The following PDE6B variants were observed in gnomAD, a reference collection of about 807,000 sequenced individuals.
PDE6B encodes rod cGMP-specific 3',5'-cyclic phosphodiesterase subunit beta.
PDE6B carries 106 observed loss-of-function variants against 109.0 expected under a neutral mutation model. The observed-to-expected ratio is 0.97, with a 90% confidence interval of 0.83 to 1.14. The LOEUF (loss-of-function observed/expected upper bound fraction) is 1.14, where lower values mean the gene tolerates loss of function less well. Among genes scored for constraint, PDE6B ranks in the 50% most tolerant of loss-of-function variants. The pLI is 0.00. For missense variants in PDE6B, 1,193 were observed against 1,155.6 expected (o/e 1.03, Z -0.47); for synonymous variants, 490 against 471.3 (o/e 1.04, Z -0.51).
In PDE6B at chr4:626,017, G is replaced by A. The variant is rs145863444; in HGVS notation, c.391G>A (p.Val131Ile). The A allele has an allele frequency of 2.6e-5, 41 of 1,593,038 alleles. No individual in the cohort carries two copies. Among genetic ancestry groups the A allele is most frequent in the Middle Eastern group, 1.7e-4 (1 of 6,054 alleles). The change falls in exon 1 of 22, where the codon GTC (valine) becomes ATC (isoleucine). Residue 131 changes from valine to isoleucine, a missense_variant. By Grantham distance (29) the Val-to-Ile change is conservative. Coordinates refer to ENST00000496514, the MANE Select transcript of PDE6B (RefSeq NM_000283.4). The surrounding 1 kb of genome is among the most constrained non-coding windows in gnomAD (Gnocchi z 4.6). Reference protein sequence around the residue: ...DCLVPPDSEIVFPLDIGVVGH... With the variant: ...DCLVPPDSEIIFPLDIGVVGH... ...CCTGGTGCCCCCCGACTCCGAGATC[G>A]TCTTCCCACTGGACATCGGGGTCGT...
rs543913869 is a variant in PDE6B at position 662,341 on chromosome 4, A to G, written c.1722+100A>G. Reference sequence around the variant, plus strand: ...GATGAGATGGGGGTCCTCCCAGGGCAGAAGGATGGAGGAGGGCAACGCCCT... The same window carrying G: ...GATGAGATGGGGGTCCTCCCAGGGCGGAAGGATGGAGGAGGGCAACGCCCT... On this transcript the variant is annotated intron_variant, in intron 13 of 21. Coordinates refer to ENST00000496514, the MANE Select transcript of PDE6B (RefSeq NM_000283.4). The surrounding 1 kb of genome is among the most constrained non-coding windows in gnomAD (Gnocchi z 4.3). The G allele has an allele frequency of 3.1e-5, 26 of 833,442 alleles. 1 individual carries two copies. The South Asian group carries it at 3.1e-4, about 10-fold the overall frequency. 51.6% of individuals were successfully genotyped at this position (833,442 alleles called of 1,614,324 possible). A position where few individuals can be genotyped will look rare whatever the true frequency, so the allele number is the denominator to read the frequency against.
intron 9 of PDE6B, 41 bp from the exon 10 acceptor site, chr4:657,310 C>T: frequency 5.6e-6 from 9 of 1,610,994 alleles, no homozygotes; most frequent in Non-Finnish European, 7.6e-6. Flanking sequence ...AGGGGGCGCG[C>T]CGGGAGCGCT....
In PDE6B at chr4:654,865, C is replaced by G. The variant is rs1222178924; in HGVS notation, c.969C>G (p.Gly323=). 6.4e-7 allele frequency: 1 copy of G among 1,563,926 alleles called. No individual in the cohort carries two copies. Among genetic ancestry groups the G allele is most frequent in the Non-Finnish European group, 8.8e-7 (1 of 1,134,392 alleles). Residue 323 remains glycine (G), a synonymous_variant, in exon 6 of 22, where the codon GGC becomes GGG. Transcript: ENST00000496514. ...FYKVIDYVLH[G]KEEIKVIPTP... is the part of the protein sequence containing the mutation. ...AAGTGATCGACTACGTCCTCCACGG[C>G]AAGGAGGAGATCAAGGTCATTCCGT...
intron 17 of PDE6B, among the ~76,000 whole-genome samples, chr4:664,482 CT>C (rs1311763375): frequency 1.3e-5 from 2 of 152,166 alleles, no homozygotes; most frequent in African/African-American, 4.8e-5. Context: ...TGACCTTCCA[CT>C]TTTTCACCTG....
At position 625,978 on chromosome 4, in the gene PDE6B, G is replaced by A. The variant is rs201253138; in HGVS notation, c.352G>A (p.Val118Ile). 4.6e-5 allele frequency: 73 copies of A among 1,583,948 alleles called. No homozygotes were observed. The East Asian group carries it at 4.9e-4, about 11-fold the overall frequency. Residue 118 changes from valine to isoleucine, a missense_variant, in exon 1 of 22, where the codon GTC becomes ATC. Val to Ile is a conservative substitution (Grantham distance 29). Coordinates refer to ENST00000496514, the MANE Select transcript of PDE6B (RefSeq NM_000283.4). The surrounding 1 kb of genome is among the most constrained non-coding windows in gnomAD (Gnocchi z 5.0). Reference protein sequence around the residue: ...TRLFSVQPDSVLEDCLVPPDS... With the variant: ...TRLFSVQPDSILEDCLVPPDS... Reference sequence around the variant, plus strand: ...GCTTTTCAGCGTGCAGCCGGACAGCGTCCTGGAGGACTGCCTGGTGCCCCC... The same window carrying A: ...GCTTTTCAGCGTGCAGCCGGACAGCATCCTGGAGGACTGCCTGGTGCCCCC...
At chr4:654,500 G>A in intron 5 of PDE6B, 1 of 587,600 alleles carries the variant, frequency 1.7e-6, no homozygotes, top group Non-Finnish European at 3.1e-6. Context: ...GGCCCAGCTT[G>A]TGTGTGGGAT....
At position 660,564 on chromosome 4, in the gene PDE6B, A is replaced by G. The variant is rs1736944803; in HGVS notation, c.1565A>G (p.Gln522Arg). ...CTGGACCTGGTCAAATGTGGCATCC[A>G]GATGTACTACGAGCTGGGCGTGGTC... ...TELDLVKCGI[Q>R]MYYELGVVRK... The change falls in exon 12 of 22, where the codon CAG becomes CGG. Residue 522 changes from glutamine to arginine, a missense_variant. Coordinates refer to ENST00000496514, the MANE Select transcript of PDE6B (RefSeq NM_000283.4). The G allele has an allele frequency of 2.5e-6, 4 of 1,613,856 alleles. No homozygotes were observed. Among genetic ancestry groups the G allele is most frequent in the South Asian group, 1.1e-5 (1 of 91,080 alleles).
chr4:645,591 G>A (rs1010258420), intron 3 of PDE6B, among the ~76,000 whole-genome samples: 1 of 151,890 alleles, frequency 6.6e-6, no homozygotes, highest in Non-Finnish European at 1.5e-5. Context: ...CACCGCGCCC[G>A]GCCAGGCTAG....
At chr4:664,339 G>C in intron 17 of PDE6B, 118 bp downstream of exon 17, 1 of 725,576 alleles carries the variant, frequency 1.4e-6, no homozygotes, top group South Asian at 1.4e-5. Context: ...AGCCCGTCGC[G>C]GCAGCTTGTC....
intron 1 of PDE6B, among the ~76,000 whole-genome samples, chr4:634,403 C>T (rs1270783502): frequency 6.6e-6 from 1 of 152,282 alleles, no homozygotes; most frequent in Non-Finnish European, 1.5e-5. Flanking sequence ...CCAGGCAGGG[C>T]GGGGCCCCCC....
intron 5 of PDE6B, chr4:654,397 T>A (rs1487306967): frequency 1.5e-6 from 1 of 647,942 alleles, no homozygotes; most frequent in African/African-American, 1.8e-5. Flanking sequence ...CCACGTCGGC[T>A]CTGATTGTGG....
At chr4:642,921 C>A (rs553924119) in intron 3 of PDE6B, among the ~76,000 whole-genome samples, 3 of 152,010 alleles carry the variant, frequency 2.0e-5, no homozygotes, top group Non-Finnish European at 2.9e-5. Flanking sequence ...TGTGAACGAG[C>A]TTTGCATACC....
intron 11 of PDE6B, among the ~76,000 whole-genome samples, chr4:659,266 C>T (rs1736739227): frequency 6.6e-6 from 1 of 152,198 alleles, no homozygotes; most frequent in Non-Finnish European, 1.5e-5. Context: ...GATGTCTGCA[C>T]TCCTGAGTGT....
intron 12 of PDE6B, 190 bp from the exon 13 acceptor site, chr4:661,944 C>T (rs1737149309): frequency 3.2e-6 from 2 of 626,514 alleles, no homozygotes; most frequent in Admixed American, 2.3e-5. Flanking sequence ...GCCAATGTGG[C>T]AGCCCCTACC....
At position 663,967 on chromosome 4, in the gene PDE6B, C is replaced by T; in HGVS notation, c.2021+97C>T. ...CGCAGCGGCGGCACAGCCCGGGGGA[C>T]GCAGCCCCGGATTCCGTCCCTGCCC... On this transcript the variant is annotated intron_variant, in intron 16 of 21. Transcript: ENST00000496514. The surrounding 1 kb of genome is among the most constrained non-coding windows in gnomAD (Gnocchi z 4.0). The T allele has an allele frequency of 1.8e-6, 2 of 1,103,060 alleles. No homozygotes were observed. The highest frequency in any genetic ancestry group is 2.6e-5 in the East Asian group (1 of 38,988). The allele number at this position is 1,103,060 out of a possible 1,614,324, so 68.3% of individuals were successfully genotyped here.
chr4:634,663 C>A lies in PDE6B; in HGVS notation c.469-14C>A. 5 of 1,610,172 alleles carry A rather than the reference C, an allele frequency of 3.1e-6. No homozygotes were observed. Among genetic ancestry groups the A allele is most frequent in the Non-Finnish European group, 4.3e-6 (5 of 1,176,400 alleles). On this transcript the variant is annotated splice_polypyrimidine_tract_variant and intron_variant, in intron 1 of 21. Transcript: ENST00000496514. ...TGCGACAGCCTCTTTAGCCTCTTTC[C>A]TCTCTTGCGGCAGTGCCCTCACTTC...
Position 636,433 on chromosome 4 carries a change from T to TG in PDE6B, c.711+468dup, listed in dbSNP as rs1252797103. 6.6e-6 allele frequency among the ~76,000 whole-genome samples: 1 copy of TG among 151,634 alleles called. No individual in the cohort carries two copies. Among genetic ancestry groups the TG allele is most frequent in the African/African-American group, 2.4e-5 (1 of 41,258 alleles). On this transcript the variant is annotated intron_variant, in intron 3 of 21. Transcript: ENST00000496514. The surrounding 1 kb of genome is among the most constrained non-coding windows in gnomAD (Gnocchi z 4.5). ...GCAGGTCTGGCCCTGGCCGAGACGC[T>TG]GGGGAGGGAGGCCTGAGGACCTTAA... is the stretch of plus-strand genomic sequence containing the variant.
intron 6 of PDE6B, chr4:655,409 C>G (rs1736099745): frequency 3.5e-6 from 1 of 283,632 alleles, no homozygotes; most frequent in Admixed American, 5.0e-5. Flanking sequence ...ACCCCATCCC[C>G]AGGCCCCAAG....
intron 6 of PDE6B, 38 bp downstream of exon 6, chr4:654,926 G>A: frequency 2.5e-6 from 3 of 1,178,848 alleles, no homozygotes; most frequent in Non-Finnish European, 3.8e-6. Context: ...CCCCGGGGGA[G>A]GGACCGCCCC....
Sources: allele counts gnomAD v4.1 joint callset (sites outside exome capture counted in the v4.1 genomes callset), GRCh38; gene constraint gnomAD v4.1.1; non-coding constraint Gnocchi (gnomAD v3.1); transcripts MANE v1.5; gene names NCBI Gene and HGNC (gene_info 2026-07-23, HGNC 2026-07-21).